ESRRB: variants seen among roughly 807,000 people sequenced by gnomAD.
ESRRB encodes steroid hormone receptor ERR2.
Under a neutral mutation model 46.0 loss-of-function variants are expected in ESRRB, and 16 were observed. The ratio of observed to expected loss-of-function variants is 0.35; its 90% CI spans 0.24 to 0.53. The LOEUF (loss-of-function observed/expected upper bound fraction) is 0.53, where lower values mean the gene tolerates loss of function less well. ESRRB is among the 20% of genes least tolerant of loss of function. ESRRB has a pLI of 0.93. For missense variants in ESRRB, 488 were observed against 607.4 expected, an observed-to-expected ratio of 0.80 and a Z score of 2.07; for synonymous variants, 246 against 259.6, an observed-to-expected ratio of 0.95 and a Z score of 0.50.
At chr14:76,473,592 G>A (rs890176348) in intron 3 of ESRRB, among the ~76,000 whole-genome samples, 4 of 152,248 alleles carry the variant, frequency 2.6e-5, no homozygotes, top group African/African-American at 7.2e-5. Context: ...AAAGAAAGAA[G>A]CTTAAAGTGG....
chr14:76,481,540 G>T (rs1889805373), intron 3 of ESRRB, among the ~76,000 whole-genome samples: 1 of 152,198 alleles, frequency 6.6e-6, no homozygotes, highest in African/African-American at 2.4e-5. Flanking sequence ...AGAGAGTGGG[G>T]TCTAGAAATT....
At chr14:76,485,655 GAGAGAA>G (rs1447442404) in intron 5 of ESRRB, among the ~76,000 whole-genome samples, 192 of 107,692 alleles carry the variant, frequency 1.8e-3, no homozygotes, top group African/African-American at 5.6e-3. Flanking sequence ...GAGAGAGAGA[GAGAGAA>G]AGAAAGAGAG....
chr14:76,500,559 C>A lies in ESRRB; in HGVS notation c.*2101C>A. On this transcript the variant is annotated 3_prime_UTR_variant, in exon 7 of 7. Transcript: ENST00000644823. ...ACCTTGGGGTGTGTGCTTTGGGACT[C>A]CCTCAGTCTCTCACTGTGCTGTGTC... is the stretch of plus-strand genomic sequence containing the variant. 1 of 840,798 alleles carries A rather than the reference C, an allele frequency of 1.2e-6. No homozygotes were observed. Among genetic ancestry groups the A allele is most frequent in the African/African-American group, 1.6e-5 (1 of 60,654 alleles). The allele number at this position is 840,798 out of a possible 1,614,324, so 52.1% of individuals were successfully genotyped here.
At chr14:76,436,310 G>A (rs748647650) in intron 1 of ESRRB, among the ~76,000 whole-genome samples, 15 of 152,222 alleles carry the variant, frequency 9.9e-5, no homozygotes, top group Non-Finnish European at 1.9e-4. Context: ...TGGGGCAAAT[G>A]CCTCTTATCC....
intron 1 of ESRRB, among the ~76,000 whole-genome samples, chr14:76,341,959 C>T (rs1884196636): frequency 6.6e-6 from 1 of 152,214 alleles, no homozygotes; most frequent in Admixed American, 6.5e-5. Flanking sequence ...CAAGAGTCCA[C>T]ATGTCCCTGA....
rs1249482776 is a variant in ESRRB at position 76,499,460 on chromosome 14, G to A, written c.*1002G>A. The stretch of plus-strand genomic sequence containing the variant: ...CATCTTTGCCAAGCACAGAAAGGCC[G>A]AGCAGCTGAGATAAGTAGGCAGGGG... On this transcript the variant is annotated 3_prime_UTR_variant, in exon 7 of 7. Transcript: ENST00000644823. 5.8e-5 allele frequency: 20 copies of A among 346,240 alleles called. No homozygotes were observed. Among genetic ancestry groups the A allele is most frequent in the South Asian group, 7.6e-5 (3 of 39,664 alleles). The allele number at this position is 346,240 out of a possible 1,614,324, so 21.4% of individuals were successfully genotyped here.
chr14:76,468,231 G>A (rs1360105474), intron 3 of ESRRB, among the ~76,000 whole-genome samples: 1 of 152,180 alleles, frequency 6.6e-6, no homozygotes, highest in African/African-American at 2.4e-5. Flanking sequence ...GAGCAAGAGA[G>A]ATGACTTGCC....
chr14:76,344,667 A>G (rs536567576), intron 1 of ESRRB, among the ~76,000 whole-genome samples: 99 of 152,296 alleles, frequency 6.5e-4, no homozygotes, highest in African/African-American at 2.2e-3. Flanking sequence ...CCTGGCCAAC[A>G]TGGCAAAACC....
intron 1 of ESRRB, among the ~76,000 whole-genome samples, chr14:76,315,942 T>A (rs11624232): frequency 6.6e-6 from 1 of 152,078 alleles, no homozygotes; most frequent in Admixed American, 6.5e-5. Flanking sequence ...AGAATTTTCT[T>A]AAGTTTCTTG....
chr14:76,393,927 A>C (rs1169211950), intron 1 of ESRRB, among the ~76,000 whole-genome samples: 3 of 151,362 alleles, frequency 2.0e-5, no homozygotes, highest in Non-Finnish European at 2.9e-5. Context: ...CAGCCTCCCA[A>C]GTAGCTGGGA....
intron 1 of ESRRB, among the ~76,000 whole-genome samples, chr14:76,325,464 A>C (rs1883919140): frequency 6.6e-6 from 1 of 152,140 alleles, no homozygotes; most frequent in Non-Finnish European, 1.5e-5. Context: ...AAGGAAGGCA[A>C]GCACACGGAG....
At position 76,432,281 on chromosome 14, in the gene ESRRB, T is replaced by A. The variant is rs150818377; in HGVS notation, c.51-7060T>A. Among the ~76,000 whole-genome samples, 98 of 152,296 alleles carry A rather than the reference T, an allele frequency of 6.4e-4. 1 individual carries two copies. The highest frequency in any genetic ancestry group is 2.3e-3 in the African/African-American group (97 of 41,554). ...GCAGTGCTGGGACAGCCCCATCACA[T>A]GGAATCACTCAGCCCCAGATGTTAG... On this transcript the variant is annotated intron_variant, in intron 1 of 6. Transcript: ENST00000644823.
At chr14:76,493,605 A>T (rs1890311392) in intron 6 of ESRRB, among the ~76,000 whole-genome samples, 1 of 152,340 alleles carries the variant, frequency 6.6e-6, no homozygotes, top group Admixed American at 6.5e-5. Flanking sequence ...GAAAAGGGAG[A>T]ACTGGCTCCC....
chr14:76,337,999 C>T (rs559604301), intron 1 of ESRRB, among the ~76,000 whole-genome samples: 2 of 152,308 alleles, frequency 1.3e-5, no homozygotes, highest in African/African-American at 4.8e-5. Context: ...AGGTTTTATT[C>T]CCGAGCTGCC....
At chr14:76,452,636 ACAAAAACAAAACAAAAC>A (rs1566906514) in intron 2 of ESRRB, among the ~76,000 whole-genome samples, 5,860 of 138,774 alleles carry the variant, frequency 0.042, 433 homozygotes, top group African/African-American at 0.15. Context: ...AAAAAACAAA[ACAAAAACAAAACAAAAC>A]AAAAAAAAAG....
At chr14:76,483,337 G>T (rs916891764) in intron 5 of ESRRB, among the ~76,000 whole-genome samples, 2 of 152,246 alleles carry the variant, frequency 1.3e-5, no homozygotes, top group African/African-American at 4.8e-5. Context: ...TCCTGTGTGT[G>T]AAGTGTTCGG....
intron 6 of ESRRB, 83 bp from the exon 7 acceptor site, chr14:76,498,131 C>T (rs1301880126): frequency 6.5e-7 from 1 of 1,544,840 alleles, no homozygotes; most frequent in Non-Finnish European, 8.9e-7. Flanking sequence ...TGCCTCCATG[C>T]TGCCTCCTGG....
At chr14:76,311,610 G>A (rs1883735159) in intron 1 of ESRRB, among the ~76,000 whole-genome samples, 1 of 152,232 alleles carries the variant, frequency 6.6e-6, no homozygotes, top group South Asian at 2.1e-4. Flanking sequence ...TCTTAATCCT[G>A]AAAGGGAACT....
At chr14:76,498,156 C>T in intron 6 of ESRRB, 58 bp from the exon 7 acceptor site, 1 of 1,610,156 alleles carries the variant, frequency 6.2e-7, no homozygotes, top group Non-Finnish European at 8.5e-7. Context: ...CAAGATGGCC[C>T]CCACACCAGG....
Sources: allele counts gnomAD v4.1 joint callset (sites outside exome capture counted in the v4.1 genomes callset), GRCh38; gene constraint gnomAD v4.1.1; transcripts MANE v1.5; gene names NCBI Gene and HGNC (gene_info 2026-07-23, HGNC 2026-07-21).